Variants in EML1 observed in about 807,000 individuals in gnomAD.
The protein encoded by EML1 is EMAP like 1, also known as echinoderm microtubule-associated protein-like 1.
EML1 carries 27 observed loss-of-function variants against 110.4 expected under a neutral mutation model. The observed-to-expected ratio is 0.24, with a 90% CI of 0.18 to 0.34. EML1 has a LOEUF of 0.34. Ranked by LOEUF, EML1 falls within the 10% of genes least tolerant of loss-of-function variation. The pLI, the probability that EML1 is intolerant of heterozygous loss-of-function variation, is 1.00. For synonymous variants in EML1, 344 were observed against 385.8 expected (o/e 0.89, Z 1.27); for missense variants, 741 against 1,030.9 (o/e 0.72, Z 3.85).
chr14:99,807,690 C>T lies in EML1; in HGVS notation c.67+14147C>T, dbSNP rs188718456. Among the ~76,000 whole-genome samples, 7 of 152,296 alleles carry T rather than the reference C, an allele frequency of 4.6e-5. No homozygotes were observed. In the East Asian group the frequency reaches 1.4e-3, roughly 29 times the overall value. On this transcript the variant is annotated intron_variant, in intron 1 of 21. Coordinates refer to ENST00000262233, the MANE Select transcript of EML1 (RefSeq NM_004434.3). Reference sequence around the variant, plus strand: ...CCCTCCTTCCCCTCCACTGCTCCTACCCAAGGGGAAGCCTGTTGATGCAGC... The same window carrying T: ...CCCTCCTTCCCCTCCACTGCTCCTATCCAAGGGGAAGCCTGTTGATGCAGC...
intron 19 of EML1, 119 bp from the exon 20 acceptor site, chr14:99,937,698 G>C: frequency 1.3e-6 from 1 of 791,090 alleles, no homozygotes; most frequent in South Asian, 1.7e-5. Context: ...GGAAGTGGAA[G>C]GTCTCCCTCT....
chr14:99,911,211 A>G lies in EML1; in HGVS notation c.1340-211A>G, dbSNP rs12435250. 0.18 allele frequency among the ~76,000 whole-genome samples: 26,998 copies of G among 152,108 alleles called. 3,141 individuals carry two copies. The highest frequency in any genetic ancestry group is 0.26 in the Non-Finnish European group (17,824 of 67,950). On this transcript the variant is annotated intron_variant, in intron 12 of 21. Transcript: ENST00000262233. ...GGTGCTTCAACCATGCGGCTTCAACAATGCATATTTTCCTTCATTCTAAGG... is the reference window on the plus strand; with the variant it reads ...GGTGCTTCAACCATGCGGCTTCAACGATGCATATTTTCCTTCATTCTAAGG...
chr14:99,767,996 A>G (rs2140197298), upstream of EML1, among the ~76,000 whole-genome samples: 1 of 152,280 alleles, frequency 6.6e-6, no homozygotes, highest in South Asian at 2.1e-4. Context: ...AGATCCAGTA[A>G]ATGCTTGCCA....
chr14:99,811,883 T>G (rs570079429), intron 1 of EML1, among the ~76,000 whole-genome samples: 23 of 151,622 alleles, frequency 1.5e-4, no homozygotes, highest in Non-Finnish European at 4.4e-5. Context: ...AGAAAATACA[T>G]GTACTATTCA....
At position 99,936,380 on chromosome 14, in the gene EML1, G is replaced by A. The variant is rs377737304; in HGVS notation, c.2095+46G>A. On this transcript the variant is annotated intron_variant, in intron 19 of 21. Coordinates refer to ENST00000262233, the MANE Select transcript of EML1 (RefSeq NM_004434.3). The surrounding 1 kb of genome is among the most constrained non-coding windows in gnomAD (Gnocchi z 5.5). ...GTATGAAGTCTCGATCTCAGAAAGC[G>A]TTCACTCTGAGATCCAGGGGGCCTC... The A allele has an allele frequency of 6.8e-5, 107 of 1,564,976 alleles. No individual in the cohort carries two copies. The highest frequency in any genetic ancestry group is 1.9e-4 in the Admixed American group (11 of 59,246).
Position 99,939,438 on chromosome 14 carries a change from A to C in EML1, c.2322+111A>C. On this transcript the variant is annotated intron_variant, in intron 21 of 21. Coordinates refer to ENST00000262233, the MANE Select transcript of EML1 (RefSeq NM_004434.3). The surrounding 1 kb of genome is among the most constrained non-coding windows in gnomAD (Gnocchi z 4.2). Reference sequence around the variant, plus strand: ...CTGTGAGCGACTGCTGCCAGCCACAAAGGCAGATGTGACTCTGTTCTTTGC... The same window carrying C: ...CTGTGAGCGACTGCTGCCAGCCACACAGGCAGATGTGACTCTGTTCTTTGC... The C allele has an allele frequency of 6.6e-7, 1 of 1,507,424 alleles. No individual in the cohort carries two copies. The highest frequency in any genetic ancestry group is 1.3e-5 in the South Asian group (1 of 78,322). 93.4% of individuals were successfully genotyped at this position (1,507,424 alleles called of 1,614,324 possible).
At chr14:99,824,455 C>T (rs1338815579) in intron 1 of EML1, among the ~76,000 whole-genome samples, 3 of 150,962 alleles carry the variant, frequency 2.0e-5, no homozygotes, top group African/African-American at 7.3e-5. Flanking sequence ...CAGTAATTGG[C>T]CTCGGAAATG....
Position 99,941,842 on chromosome 14 carries a change from A to G in EML1, c.*1730A>G, listed in dbSNP as rs1044650. On this transcript the variant is annotated 3_prime_UTR_variant, in exon 22 of 22. Transcript: ENST00000262233. ...GAGAGAATGATAAGATGAGGGAAGG[A>G]AAAGGCATTCATTATTGACTTACAT... 7 of 152,218 alleles carry G rather than the reference A, an allele frequency of 4.6e-5. No homozygotes were observed. Among genetic ancestry groups the G allele is most frequent in the African/African-American group, 1.7e-4 (7 of 41,460 alleles). 9.4% of individuals were successfully genotyped at this position (152,218 alleles called of 1,614,324 possible).
chr14:99,739,860 C>T (rs1227091677), intron 1 of EML1, among the ~76,000 whole-genome samples: 1 of 152,096 alleles, frequency 6.6e-6, no homozygotes, highest in Non-Finnish European at 1.5e-5. Context: ...TTTTCAGTAA[C>T]CGATCCCCAA....
chr14:99,836,104 C>T (rs1310232825), intron 1 of EML1, among the ~76,000 whole-genome samples: 1 of 152,184 alleles, frequency 6.6e-6, no homozygotes, highest in Non-Finnish European at 1.5e-5. Flanking sequence ...TGCATTGAAT[C>T]TGTAGATCAA....
intron 1 of EML1, among the ~76,000 whole-genome samples, chr14:99,783,002 T>A (rs997626707): frequency 5.8e-4 from 85 of 147,094 alleles, no homozygotes; most frequent in Admixed American, 8.1e-4. Context: ...ATATATATAT[T>A]TTTATTATAC....
intron 12 of EML1, among the ~76,000 whole-genome samples, chr14:99,911,181 C>T (rs540927063): frequency 1.7e-4 from 26 of 152,236 alleles, no homozygotes; most frequent in South Asian, 6.2e-4. Flanking sequence ...CGTTCTCAGC[C>T]GCGTGGTGCT....
chr14:99,752,785 C>A (rs562518027), intron 1 of EML1, among the ~76,000 whole-genome samples: 8 of 152,078 alleles, frequency 5.3e-5, no homozygotes, highest in African/African-American at 1.9e-4. Flanking sequence ...CAGGGTCAGT[C>A]GGGAGGAAGC....
At chr14:99,858,591 A>G (rs1159475492) in intron 2 of EML1, among the ~76,000 whole-genome samples, 1 of 152,136 alleles carries the variant, frequency 6.6e-6, no homozygotes, top group Non-Finnish European at 1.5e-5. Context: ...TGCTGCAGTG[A>G]TTGGCCGTAT....
intron 4 of EML1, among the ~76,000 whole-genome samples, chr14:99,890,937 C>T (rs558285113): frequency 4.5e-4 from 69 of 152,190 alleles, no homozygotes; most frequent in Non-Finnish European, 8.1e-4. Context: ...TTTTCCTCCC[C>T]GAAACACTTA....
At position 99,926,324 on chromosome 14, in the gene EML1, G is replaced by T. The variant is rs181727426; in HGVS notation, c.1909+5447G>T. On this transcript the variant is annotated intron_variant, in intron 17 of 21. Transcript: ENST00000262233. The stretch of plus-strand genomic sequence containing the variant: ...TTTTGAGATGGAGTCTTGCACTGTT[G>T]TTCAGGCTGGAGTGCAGTGGCATGA... Among the ~76,000 whole-genome samples, 6 of 150,470 alleles carry T rather than the reference G, an allele frequency of 4.0e-5. No homozygotes were observed. The East Asian group carries it at 1.2e-3, about 29-fold the overall frequency.
chr14:99,876,768 CCCT>C (rs1274780457), intron 3 of EML1, among the ~76,000 whole-genome samples: 4 of 152,196 alleles, frequency 2.6e-5, no homozygotes, highest in Admixed American at 6.5e-5. Flanking sequence ...CCTGCCCCTC[CCCT>C]CCTCCTTTTT....
rs972332500 is a variant in EML1, at chr14:99,783,246, G to GT, written c.-27+9239dup. ...TATGAGAGAGAACATGCGGTGTCTG[G>GT]TTTTTTGTCCTTGCAATAGTTTGCT... On this transcript the variant is annotated intron_variant, in intron 1 of 22. Coordinates refer to the EML1 transcript ENST00000327921. 1.9e-3 allele frequency among the ~76,000 whole-genome samples: 284 copies of GT among 149,496 alleles called. 1 individual carries two copies. The highest frequency in any genetic ancestry group is 6.8e-3 in the African/African-American group (277 of 40,626).
rs1224443517 is a variant in EML1, at chr14:99,781,999, G to C, written c.-27+7986G>C. On this transcript the variant is annotated intron_variant, in intron 1 of 22. Coordinates refer to the EML1 transcript ENST00000327921. This position sits in a 1 kb window ranked among gnomAD's most constrained non-coding sequence, Gnocchi z 4.2. ...AAATACTTTCCAAATATGCCTTGCAGGGCAAGCACGGCTAAACCCGGGTCT... is the reference window on the plus strand; with the variant it reads ...AAATACTTTCCAAATATGCCTTGCACGGCAAGCACGGCTAAACCCGGGTCT... 8.5e-5 allele frequency among the ~76,000 whole-genome samples: 13 copies of C among 152,276 alleles called. No individual in the cohort carries two copies. In the East Asian group the frequency reaches 2.3e-3, roughly 27 times the overall value.
Sources: gnomAD v4.1 joint callset for allele counts (sites outside exome capture counted in the v4.1 genomes callset) on GRCh38, gnomAD v4.1.1 for gene constraint, Gnocchi (gnomAD v3.1) non-coding constraint, MANE v1.5 for transcripts, NCBI Gene and HGNC (gene_info 2026-07-23, HGNC 2026-07-21) for gene names.